Variants in FN1 observed in about 807,000 individuals in gnomAD.
FN1 encodes the protein fibronectin.
FN1 carries 106 observed loss-of-function variants against 297.3 expected under a neutral mutation model. That is an observed-to-expected ratio of 0.36 (90% confidence interval 0.30 to 0.42). FN1 has a LOEUF of 0.42. FN1 is among the 10% of genes least tolerant of loss of function. FN1 has a pLI of 1.00. For synonymous variants in FN1, 1,149 were observed against 1,152.6 expected (o/e 1.00, Z 0.06); for missense variants, 2,690 against 3,124.9 (o/e 0.86, Z 3.32).
chr2:215,369,676 G>T (rs2055434788), intron 41 of FN1, among the ~76,000 whole-genome samples: 1 of 152,022 alleles, frequency 6.6e-6, no homozygotes, highest in Non-Finnish European at 1.5e-5. Flanking sequence ...TTTCCCAGGT[G>T]CTACAAAGAA....
chr2:215,423,762 A>C (rs953685705), intron 8 of FN1, among the ~76,000 whole-genome samples: 1 of 151,904 alleles, frequency 6.6e-6, no homozygotes. Flanking sequence ...CCCCCCACAA[A>C]AGATTAAATG....
Position 215,433,315 on chromosome 2 carries a change from C to A in FN1, c.415+9G>T. On this transcript the variant is annotated intron_variant, in intron 3 of 45. Transcript: ENST00000354785. ...ATTTTGGCATCATTTTACACAATCT[C>A]TTCCTTACTTGCGATGGTACAGCTT... 1 of 1,614,090 alleles carries A rather than the reference C, an allele frequency of 6.2e-7. No individual in the cohort carries two copies. Among genetic ancestry groups the A allele is most frequent in the Non-Finnish European group, 8.5e-7 (1 of 1,179,948 alleles).
chr2:215,394,144 TTG>T (rs2060031005), intron 24 of FN1, among the ~76,000 whole-genome samples: 1 of 152,222 alleles, frequency 6.6e-6, no homozygotes, highest in African/African-American at 2.4e-5. Context: ...TTGATATGGA[TTG>T]TAAAATCGGG....
Position 215,399,164 on chromosome 2 carries a change from C to A in FN1, c.3348+93G>T. On this transcript the variant is annotated intron_variant, in intron 21 of 45. Coordinates refer to ENST00000354785, the MANE Select transcript of FN1 (RefSeq NM_212482.4). ...CAGAAGCAGGTGACAAAACCCAGGT[C>A]TCCTGACTCCTGAGCACCCTGTTTC... 3 of 918,112 alleles carry A rather than the reference C, an allele frequency of 3.3e-6. No homozygotes were observed. The South Asian group carries it at 3.9e-5, about 12-fold the overall frequency. The allele number at this position is 918,112 out of a possible 1,614,324, so 56.9% of individuals were successfully genotyped here.
chr2:215,429,127 A>C (rs957504776), intron 5 of FN1, among the ~76,000 whole-genome samples: 1 of 152,222 alleles, frequency 6.6e-6, no homozygotes, highest in Non-Finnish European at 1.5e-5. Flanking sequence ...CAAAGAAGCT[A>C]TAAGAAGGTG....
At chr2:215,362,354 A>C in intron 44 of FN1, 1 of 449,286 alleles carries the variant, frequency 2.2e-6, no homozygotes, top group South Asian at 2.2e-5. Context: ...CCATCTGCTG[A>C]GGCTCATTCC....
intron 5 of FN1, among the ~76,000 whole-genome samples, chr2:215,429,494 T>C (rs1195197438): frequency 6.6e-6 from 1 of 152,196 alleles, no homozygotes; most frequent in African/African-American, 2.4e-5. Flanking sequence ...TAATAGTTGA[T>C]GTAGGTTCAA....
At chr2:215,400,994 C>A (rs1456588229) in intron 20 of FN1, among the ~76,000 whole-genome samples, 1 of 149,932 alleles carries the variant, frequency 6.7e-6, no homozygotes, top group Non-Finnish European at 1.5e-5. Flanking sequence ...TGGGGTTTCA[C>A]TATGTTGGCC....
Position 215,393,125 on chromosome 2 carries a change from GA to G in FN1, c.3874del (p.Ser1292LeufsTer11). ...SIGLRWTPLN[S>X]STIIGYRITV... is the part of the protein sequence containing the mutation. ...GATGCGGTACCCAATAATGGTGGAA[GA>G]GTTTAGCGGGGTCCACCTCAGGCCG... On this transcript the variant is annotated frameshift_variant, in exon 25 of 46. Coordinates refer to ENST00000354785, the MANE Select transcript of FN1 (RefSeq NM_212482.4). LOFTEE classifies it high-confidence loss of function. The G allele has an allele frequency of 6.2e-7, 1 of 1,614,048 alleles. No homozygotes were observed. Among genetic ancestry groups the G allele is most frequent in the East Asian group, 2.2e-5 (1 of 44,876 alleles).
chr2:215,419,606 T>C (rs897467714), intron 11 of FN1, among the ~76,000 whole-genome samples: 2 of 152,204 alleles, frequency 1.3e-5, no homozygotes, highest in African/African-American at 4.8e-5. Flanking sequence ...TTTAGTTTTC[T>C]AAAAGGTAAT....
chr2:215,385,036 G>A (rs1341992204), intron 28 of FN1, 60 bp from the exon 29 acceptor site: 9 of 1,167,130 alleles, frequency 7.7e-6, no homozygotes, highest in Non-Finnish European at 1.0e-5. Flanking sequence ...CAGATTTACT[G>A]TTTGTTCATT....
intron 26 of FN1, among the ~76,000 whole-genome samples, chr2:215,390,872 G>A (rs2059634070): frequency 6.6e-6 from 1 of 152,174 alleles, no homozygotes; most frequent in East Asian, 1.9e-4. Context: ...CTAAATGTAA[G>A]CTATTTTTCC....
At chr2:215,425,359 T>C in intron 6 of FN1, 74 bp from the exon 7 acceptor site, 1 of 1,429,134 alleles carries the variant, frequency 7.0e-7, no homozygotes, top group East Asian at 2.3e-5. Context: ...AGTCAGGATC[T>C]TCAGGATCTC....
chr2:215,398,850 C>A (rs1042078275), intron 21 of FN1, among the ~76,000 whole-genome samples: 1 of 152,132 alleles, frequency 6.6e-6, no homozygotes, highest in Admixed American at 6.6e-5. Context: ...GATGAAAATG[C>A]GATTTTTAAG....
rs544764423 is a variant in FN1 at position 215,426,314 on chromosome 2, A to G, written c.845-1029T>C. Among the ~76,000 whole-genome samples the G allele has an allele frequency of 5.9e-5, 9 of 151,582 alleles. No homozygotes were observed. The South Asian group carries it at 1.5e-3, about 25-fold the overall frequency. ...CAGGCACCCGCCACCACGCCCGGCT[A>G]ATTTTTTGTATTTTTAGTAGAGACG... On this transcript the variant is annotated intron_variant, in intron 6 of 45. Transcript: ENST00000354785.
At chr2:215,401,238 GAA>G (rs1553629582) in intron 20 of FN1, among the ~76,000 whole-genome samples, 1 of 55,120 alleles carries the variant, frequency 1.8e-5, no homozygotes, top group East Asian at 2.9e-4. Context: ...AAGAAAGAAA[GAA>G]AGAAAGAAAG....
intron 26 of FN1, among the ~76,000 whole-genome samples, chr2:215,389,354 T>C (rs1375073369): frequency 6.6e-6 from 1 of 152,078 alleles, no homozygotes; most frequent in East Asian, 1.9e-4. Context: ...CCACCCGCCT[T>C]GGCCTCTCAA....
intron 20 of FN1, among the ~76,000 whole-genome samples, chr2:215,402,627 C>A (rs966961170): frequency 6.6e-6 from 1 of 152,060 alleles, no homozygotes; most frequent in African/African-American, 2.4e-5. Context: ...TGTAGAATAC[C>A]CTGCTTACAT....
chr2:215,395,432 G>A (rs1211305955), intron 23 of FN1, among the ~76,000 whole-genome samples: 1 of 151,904 alleles, frequency 6.6e-6, no homozygotes, highest in Non-Finnish European at 1.5e-5. Context: ...CAGCTACTTG[G>A]GGAGGCTGAG....
Sources: allele counts gnomAD v4.1 joint callset (sites outside exome capture counted in the v4.1 genomes callset), GRCh38; gene constraint gnomAD v4.1.1; transcripts MANE v1.5; gene names NCBI Gene and HGNC (gene_info 2026-07-23, HGNC 2026-07-21).